The following TFEC variants were observed in gnomAD, a reference collection of about 807,000 sequenced individuals.
TFEC encodes class E basic helix-loop-helix protein 34.
A neutral mutation model predicts 41.6 loss-of-function variants in TFEC; 31 were observed. The ratio of observed to expected loss-of-function variants is 0.74; its 90% CI spans 0.56 to 1.01. TFEC has a LOEUF of 1.01. Among genes scored for constraint, TFEC ranks in the 50% least tolerant of loss-of-function variants. The pLI is 0.00. For synonymous variants in TFEC, 143 were observed against 140.6 expected (o/e 1.02, Z -0.12); for missense variants, 402 against 404.1 (o/e 0.99, Z 0.04).
intron 3 of TFEC, among the ~76,000 whole-genome samples, chr7:116,092,165 C>G (rs1277849624): frequency 6.6e-6 from 1 of 152,142 alleles, no homozygotes; most frequent in Non-Finnish European, 1.5e-5. Flanking sequence ...GAGATCAGAT[C>G]TTATCCCAGT....
chr7:116,073,452 CT>C (rs796434124), intron 3 of TFEC, among the ~76,000 whole-genome samples: 73 of 143,662 alleles, frequency 5.1e-4, no homozygotes, highest in East Asian at 6.1e-4. Context: ...GAGTATTTTT[CT>C]TTTTTTTTTT....
intron 3 of TFEC, among the ~76,000 whole-genome samples, chr7:116,091,004 T>C (rs930925747): frequency 6.6e-6 from 1 of 151,910 alleles, no homozygotes; most frequent in Admixed American, 6.6e-5. Flanking sequence ...TCAGGAGAAG[T>C]ACCTAATGTA....
At chr7:116,016,449 C>A (rs1294209911) in intron 1 of TFEC, among the ~76,000 whole-genome samples, 1 of 152,094 alleles carries the variant, frequency 6.6e-6, no homozygotes, top group Non-Finnish European at 1.5e-5. Context: ...ATTTCTGTTC[C>A]CTATCTCTGT....
rs567007587 is a variant in TFEC, at chr7:115,935,697, A to G, written c.*4854T>C. ...AACAAAATTTATATTCTATGGAAAA[A>G]ATACAGTGACAATATAGAATTTTTG... On this transcript the variant is annotated 3_prime_UTR_variant, in exon 8 of 8. Transcript: ENST00000265440. 2.6e-5 allele frequency: 4 copies of G among 151,652 alleles called. No individual in the cohort carries two copies. The highest frequency in any genetic ancestry group is 7.2e-5 in the African/African-American group (3 of 41,412). The allele number at this position is 151,652 out of a possible 1,614,324, so 9.4% of individuals were successfully genotyped here. A position where few individuals can be genotyped will look rare whatever the true frequency, so the allele number is the denominator to read the frequency against.
chr7:115,991,338 T>C (rs899144690), intron 1 of TFEC, among the ~76,000 whole-genome samples: 2 of 152,152 alleles, frequency 1.3e-5, no homozygotes, highest in African/African-American at 2.4e-5. Flanking sequence ...AATAACCAGC[T>C]AACATCATAA....
At chr7:116,151,449 G>A (rs1584576584) in intron 1 of TFEC, among the ~76,000 whole-genome samples, 1 of 151,928 alleles carries the variant, frequency 6.6e-6, no homozygotes, top group East Asian at 1.9e-4. Flanking sequence ...CATCATGTTG[G>A]CCAGGCTGGT....
chr7:115,979,136 T>C (rs1212461396), intron 2 of TFEC, among the ~76,000 whole-genome samples: 6 of 152,178 alleles, frequency 3.9e-5, no homozygotes, highest in Non-Finnish European at 8.8e-5. Context: ...AGCTGTTCCC[T>C]ATCCCTGACT....
intron 3 of TFEC, among the ~76,000 whole-genome samples, chr7:116,055,459 C>T (rs367779318): frequency 1.4e-4 from 22 of 151,964 alleles, no homozygotes; most frequent in African/African-American, 4.8e-4. Flanking sequence ...ATTAAACATA[C>T]AAATATGTTC....
chr7:116,026,645 T>C (rs76747276), intron 1 of TFEC, among the ~76,000 whole-genome samples: 255 of 152,328 alleles, frequency 1.7e-3, no homozygotes, highest in African/African-American at 5.9e-3. Flanking sequence ...TTATTCCTAC[T>C]GTAAGAGTGG....
intron 1 of TFEC, among the ~76,000 whole-genome samples, chr7:116,015,047 G>T (rs542298854): frequency 1.7e-4 from 26 of 151,392 alleles, no homozygotes; most frequent in Non-Finnish European, 1.9e-4. Context: ...TGGTAATTTT[G>T]TTACAGCAGC....
At position 115,940,470 on chromosome 7, in the gene TFEC, C is replaced by A; in HGVS notation, c.*81G>T. On this transcript the variant is annotated 3_prime_UTR_variant, in exon 8 of 8. Coordinates refer to ENST00000265440, the MANE Select transcript of TFEC (RefSeq NM_012252.4). ...CTTTAAGAAAAAAAATAAGCCAAAG[C>A]AACATATGAAACACAGAGCATAATT... 1.4e-6 allele frequency: 2 copies of A among 1,430,226 alleles called. No individual in the cohort carries two copies. The highest frequency in any genetic ancestry group is 9.3e-7 in the Non-Finnish European group (1 of 1,074,104). 88.6% of individuals were successfully genotyped at this position (1,430,226 alleles called of 1,614,324 possible).
At chr7:116,029,827 A>C (rs1210760453) in intron 1 of TFEC, among the ~76,000 whole-genome samples, 3 of 152,196 alleles carry the variant, frequency 2.0e-5, no homozygotes, top group Non-Finnish European at 2.9e-5. Context: ...CTGGGAGGCC[A>C]AGGCAGGCAG....
intron 3 of TFEC, among the ~76,000 whole-genome samples, chr7:115,958,837 C>A (rs1244288753): frequency 1.3e-5 from 2 of 151,800 alleles, no homozygotes; most frequent in African/African-American, 4.8e-5. Context: ...ATGTAAATGG[C>A]TCATCACTTT....
At chr7:115,946,913 T>G (rs917449207) in intron 6 of TFEC, among the ~76,000 whole-genome samples, 9 of 150,538 alleles carry the variant, frequency 6.0e-5, no homozygotes, top group Non-Finnish European at 1.0e-4. Flanking sequence ...AAGTTCTCAG[T>G]TTTTTTTTAA....
At chr7:116,131,697 T>C (rs905393803) in intron 1 of TFEC, among the ~76,000 whole-genome samples, 8 of 152,176 alleles carry the variant, frequency 5.3e-5, no homozygotes, top group Non-Finnish European at 1.5e-5. Context: ...GAAAAAAAAT[T>C]GTTTCCTCAA....
intron 3 of TFEC, among the ~76,000 whole-genome samples, chr7:116,039,425 GTGTGTGTGTGTGTGTGTGTGTGTGTC>G (rs991237071): frequency 2.2e-5 from 3 of 138,700 alleles, no homozygotes; most frequent in Non-Finnish European, 4.7e-5. Context: ...AAAATTCTGT[GTGTGTGTGTGTGTGTGTGTGTGTGTC>G]TGTGTGTGTG....
chr7:116,027,241 T>C (rs1795619516), intron 1 of TFEC, among the ~76,000 whole-genome samples: 1 of 151,990 alleles, frequency 6.6e-6, no homozygotes, highest in Admixed American at 6.6e-5. Flanking sequence ...ATAGAATGAG[T>C]GCTGCAAGTG....
At chr7:116,101,191 C>T (rs1354892264) in intron 3 of TFEC, among the ~76,000 whole-genome samples, 1 of 131,932 alleles carries the variant, frequency 7.6e-6, no homozygotes, top group Non-Finnish European at 1.6e-5. Flanking sequence ...CTTTCATGCC[C>T]CCCCCCAAAA....
intron 3 of TFEC, among the ~76,000 whole-genome samples, chr7:116,060,410 T>C (rs766902648): frequency 3.3e-5 from 5 of 152,088 alleles, no homozygotes; most frequent in African/African-American, 1.2e-4. Context: ...GACCCACGTA[T>C]GCAAATGTTC....
Sources: allele counts gnomAD v4.1 joint callset (sites outside exome capture counted in the v4.1 genomes callset), GRCh38; gene constraint gnomAD v4.1.1; transcripts MANE v1.5; gene names NCBI Gene and HGNC (gene_info 2026-07-23, HGNC 2026-07-21).